ALG11: variants seen among roughly 807,000 people sequenced by gnomAD.
ALG11 encodes the protein ALG11 alpha-1,2-mannosyltransferase, also known as GDP-Man:Man(3)GlcNAc(2)-PP-Dol alpha-1,2-mannosyltransferase.
ALG11 carries 26 observed loss-of-function variants against 38.8 expected under a neutral mutation model. The ratio of observed to expected loss-of-function variants is 0.67; its 90% CI spans 0.49 to 0.93. The LOEUF is 0.93. ALG11 is among the 40% of genes least tolerant of loss of function. The pLI is 0.00. For synonymous variants in ALG11, 199 were observed against 211.6 expected, an observed-to-expected ratio of 0.94 and a Z score of 0.52; for missense variants, 535 against 578.8, an observed-to-expected ratio of 0.92 and a Z score of 0.78.
chr13:52,012,794 G>T (rs1355830760), intron 1 of ALG11, among the ~76,000 whole-genome samples: 1 of 150,468 alleles, frequency 6.6e-6, no homozygotes, highest in Non-Finnish European at 1.5e-5. Context: ...TTTTCTTTAC[G>T]ATTGAGCCAC....
chr13:52,031,474 C>G lies in ALG11; in HGVS notation c.*2884C>G, dbSNP rs1954304165. ...TAGGTGTGTGTAGGGTGGTAGAGGC[C>G]AAGGTGCTGCCAGCAATCCTTTCCA... On this transcript the variant is annotated 3_prime_UTR_variant, in exon 4 of 4. Transcript: ENST00000521508. The G allele has an allele frequency of 4.9e-6, 1 of 203,014 alleles. No homozygotes were observed. Among genetic ancestry groups the G allele is most frequent in the East Asian group, 1.3e-4 (1 of 7,676 alleles). The allele number at this position is 203,014 out of a possible 1,614,324, so 12.6% of individuals were successfully genotyped here.
chr13:52,023,972 T>C (rs1420087977), intron 2 of ALG11, 34 bp from the exon 3 acceptor site: 6 of 1,606,260 alleles, frequency 3.7e-6, no homozygotes, highest in South Asian at 1.1e-5. Flanking sequence ...TTTTTGTAAC[T>C]TAATATATTC....
At position 52,024,135 on chromosome 13, in the gene ALG11, A is replaced by G. The variant is rs1179476419; in HGVS notation, c.405A>G (p.Lys135=). ...CAGTGCAGTTTGTTTTTTTAAGGAA[A>G]CGCTATCTTGTGGAAGATTCACTGT... ...IHPVQFVFLR[K]RYLVEDSLYP... Residue 135 remains lysine, a synonymous_variant, in exon 3 of 4, where the codon AAA becomes AAG. Transcript: ENST00000521508. 1 of 1,613,990 alleles carries G rather than the reference A, an allele frequency of 6.2e-7. No homozygotes were observed. Among genetic ancestry groups the G allele is most frequent in the Admixed American group, 1.7e-5 (1 of 59,996 alleles).
chr13:52,028,313 T>C lies in ALG11; in HGVS notation c.1208-6T>C, dbSNP rs200751186. The C allele has an allele frequency of 2.2e-4, 351 of 1,614,192 alleles. 1 individual carries two copies. The African/African-American group carries it at 2.5e-3, about 11-fold the overall frequency. On this transcript the variant is annotated splice_region_variant and splice_polypyrimidine_tract_variant and intron_variant, in intron 3 of 3. Coordinates refer to ENST00000521508, the MANE Select transcript of ALG11 (RefSeq NM_001004127.3). ...AAGATTACATGATTTGTGTTTTTTT[T>C]CTCAGGAGTTGTGGAGTGTATGGCA...
At chr13:52,018,628 T>C (rs1954155668) in intron 1 of ALG11, among the ~76,000 whole-genome samples, 1 of 152,212 alleles carries the variant, frequency 6.6e-6, no homozygotes, top group Admixed American at 6.5e-5. Context: ...ACATATATAC[T>C]AAGTCAGGAG....
intron 3 of ALG11, among the ~76,000 whole-genome samples, chr13:52,027,962 A>C (rs1208846776): frequency 1.3e-5 from 2 of 152,164 alleles, no homozygotes; most frequent in African/African-American, 4.8e-5. Flanking sequence ...ATTTTAACTA[A>C]GAATAAAGCA....
Position 52,021,829 on chromosome 13 carries a change from T to A in ALG11, c.276-2177T>A, listed in dbSNP as rs141127167. On this transcript the variant is annotated intron_variant, in intron 2 of 3. Coordinates refer to ENST00000521508, the MANE Select transcript of ALG11 (RefSeq NM_001004127.3). ...TGAGGAGCTTCTTCATGTGACTTGG[T>A]TGTGCTTGCATACAACATAGCAATC... 3.9e-4 allele frequency: 60 copies of A among 152,368 alleles called. No individual in the cohort carries two copies. In the East Asian group the frequency reaches 0.011, roughly 28 times the overall value. The allele number at this position is 152,368 out of a possible 1,614,324, so 9.4% of individuals were successfully genotyped here.
rs886050312 is a variant in ALG11 at position 52,018,943 on chromosome 13, C to T, written c.75C>T (p.Leu25=). The T allele has an allele frequency of 1.2e-6, 2 of 1,613,922 alleles. No individual in the cohort carries two copies. Among genetic ancestry groups the T allele is most frequent in the Non-Finnish European group, 1.7e-6 (2 of 1,179,982 alleles). The part of the protein sequence containing the change: ...RFFYSLFFPG[L]IVCGTLCVCL... ...TTTATTCATTATTCTTCCCTGGGCT[C>T]ATTGTATGTGGAACTTTATGTGTGT... is the stretch of plus-strand genomic sequence containing the variant. Residue 25 remains leucine, a synonymous_variant, in exon 2 of 4, where the codon CTC becomes CTT. Transcript: ENST00000521508.
At chr13:52,019,412 AG>A (rs1307906000) in intron 2 of ALG11, among the ~76,000 whole-genome samples, 1 of 151,904 alleles carries the variant, frequency 6.6e-6, no homozygotes, top group East Asian at 1.9e-4. Flanking sequence ...TAGTAGAGAC[AG>A]GGTTTCACCA....
At chr13:52,012,749 T>C (rs547297463) in intron 1 of ALG11, among the ~76,000 whole-genome samples, 4 of 152,244 alleles carry the variant, frequency 2.6e-5, no homozygotes, top group African/African-American at 9.6e-5. Context: ...ACACTCCAGT[T>C]AGTCTGTCAT....
chr13:52,029,071 G>A lies in ALG11; in HGVS notation c.*481G>A. The A allele has an allele frequency of 6.2e-7, 1 of 1,614,232 alleles. No homozygotes were observed. ...GAGAAAAGCTGGGCCTTGCAGATCT[G>A]CTTGAGCCCGTTAAAACTTCATCTT... is the stretch of plus-strand genomic sequence containing the variant. On this transcript the variant is annotated 3_prime_UTR_variant, in exon 4 of 4. Transcript: ENST00000521508.
intron 3 of ALG11, 39 bp downstream of exon 3, chr13:52,024,976 G>T: frequency 1.3e-6 from 2 of 1,569,410 alleles, no homozygotes; most frequent in South Asian, 1.1e-5. Context: ...GGTGCCATGA[G>T]ATACACATTT....
chr13:52,024,909 T>A lies in ALG11; in HGVS notation c.1179T>A (p.His393Gln). ...TGTCTGAAGCAACAATTGGTCTGCA[T>A]ACCATGTGGAACGAGCATTTTGGGA... The part of the protein sequence containing the change: ...NYLSEATIGL[H>Q]TMWNEHFGIG... The change falls in exon 3 of 4, where the codon CAT becomes CAA. Residue 393 changes from histidine (H) to glutamine (Q), a missense_variant. Coordinates refer to ENST00000521508, the MANE Select transcript of ALG11 (RefSeq NM_001004127.3). The A allele has an allele frequency of 6.2e-7, 1 of 1,611,776 alleles. No homozygotes were observed. Among genetic ancestry groups the A allele is most frequent in the Non-Finnish European group, 8.5e-7 (1 of 1,180,030 alleles).
intron 1 of ALG11, among the ~76,000 whole-genome samples, 180 bp downstream of exon 1, chr13:52,012,642 T>A (rs980043265): frequency 3.9e-5 from 6 of 152,190 alleles, no homozygotes; most frequent in Admixed American, 1.3e-4. Context: ...TGGAATAGAC[T>A]AGGTCTTAAA....
Position 52,019,041 on chromosome 13 carries a change from A to T in ALG11, c.173A>T (p.Asn58Ile), listed in dbSNP as rs150818619. ...AAAAAATTAGTGTCAACTAGCAAAA[A>T]TGGGAAAAATCAAATGGTGATTGCA... Reference protein sequence around the residue: ...RKKKLVSTSKNGKNQMVIAFF... With the variant: ...RKKKLVSTSKIGKNQMVIAFF... The change falls in exon 2 of 4, where the codon AAT becomes ATT. Residue 58 changes from asparagine to isoleucine, a missense_variant. Coordinates refer to ENST00000521508, the MANE Select transcript of ALG11 (RefSeq NM_001004127.3). The T allele has an allele frequency of 6.1e-4, 980 of 1,614,066 alleles. 8 individuals carry two copies. The African/African-American group carries it at 0.011, about 18-fold the overall frequency.
intron 1 of ALG11, among the ~76,000 whole-genome samples, chr13:52,018,541 C>A (rs1003111885): frequency 3.3e-5 from 5 of 151,988 alleles, no homozygotes; most frequent in African/African-American, 9.7e-5. Context: ...GGCATCTGAC[C>A]CTCAAAATGA....
intron 1 of ALG11, chr13:52,017,771 T>C (rs1954146723): frequency 6.6e-6 from 1 of 152,534 alleles, no homozygotes; most frequent in Non-Finnish European, 1.5e-5. Flanking sequence ...ACTGTGTAAC[T>C]ACACAAAACA....
At position 52,030,674 on chromosome 13, in the gene ALG11, G is replaced by A. The variant is rs749535690; in HGVS notation, c.*2084G>A. Reference sequence around the variant, plus strand: ...GGAGGCGAGTAAGCCAAAGGACGTGGACCTGACACTACCTGGCTGGGGCGA... The same window carrying A: ...GGAGGCGAGTAAGCCAAAGGACGTGAACCTGACACTACCTGGCTGGGGCGA... On this transcript the variant is annotated 3_prime_UTR_variant, in exon 4 of 4. Transcript: ENST00000521508. 40 of 1,614,088 alleles carry A rather than the reference G, an allele frequency of 2.5e-5. No homozygotes were observed. The highest frequency in any genetic ancestry group is 3.4e-5 in the Non-Finnish European group (40 of 1,180,044).
In ALG11 at chr13:52,033,270, C is replaced by G. The variant is rs1205535599; in HGVS notation, c.*4680C>G. The G allele has an allele frequency of 6.0e-6, 1 of 166,968 alleles. No individual in the cohort carries two copies. Among genetic ancestry groups the G allele is most frequent in the African/African-American group, 2.4e-5 (1 of 41,394 alleles). 10.3% of individuals were successfully genotyped at this position (166,968 alleles called of 1,614,324 possible). On this transcript the variant is annotated 3_prime_UTR_variant, in exon 4 of 4. Coordinates refer to ENST00000521508, the MANE Select transcript of ALG11 (RefSeq NM_001004127.3). ...AGATGTCATTTTTGAGTGGTCCAAGCCTGCTGTTTTGAACCCACAGCAGTG... is the reference window on the plus strand; with the variant it reads ...AGATGTCATTTTTGAGTGGTCCAAGGCTGCTGTTTTGAACCCACAGCAGTG...
Sources: allele counts gnomAD v4.1 joint callset (sites outside exome capture counted in the v4.1 genomes callset), GRCh38; gene constraint gnomAD v4.1.1; transcripts MANE v1.5; gene names NCBI Gene and HGNC (gene_info 2026-07-23, HGNC 2026-07-21).